The following LYPD6B variants were observed in gnomAD, a reference collection of about 807,000 sequenced individuals.
LYPD6B encodes the protein LY6/PLAUR domain containing 6B, also known as ly6/PLAUR domain-containing protein 6B.
A neutral mutation model predicts 22.8 loss-of-function variants in LYPD6B; 17 were observed. The ratio of observed to expected loss-of-function variants is 0.75; its 90% CI spans 0.51 to 1.12. The LOEUF (loss-of-function observed/expected upper bound fraction) is 1.12. Ranked by LOEUF, LYPD6B falls within the 50% of genes most tolerant of loss-of-function variation. The pLI, the probability that LYPD6B is intolerant of heterozygous loss-of-function variation, is 0.00. For synonymous variants in LYPD6B, 106 were observed against 91.6 expected (o/e 1.16, Z -0.90); for missense variants, 221 against 258.3 (o/e 0.86, Z 0.99).
chr2:149,159,652 A>G (rs1689928709), intron 2 of LYPD6B, among the ~76,000 whole-genome samples: 1 of 148,764 alleles, frequency 6.7e-6, no homozygotes, highest in African/African-American at 2.5e-5. Context: ...AGTAGGGGCA[A>G]GGGGATTTAT....
chr2:149,145,777 A>C (rs1688982654), intron 2 of LYPD6B, among the ~76,000 whole-genome samples: 1 of 152,164 alleles, frequency 6.6e-6, no homozygotes, highest in Admixed American at 6.5e-5. Context: ...TCAATGCAAA[A>C]CAGAGTGGTG....
At chr2:149,102,250 T>C (rs909715024) in intron 1 of LYPD6B, among the ~76,000 whole-genome samples, 5 of 152,218 alleles carry the variant, frequency 3.3e-5, no homozygotes, top group African/African-American at 9.6e-5. Flanking sequence ...CCACCTTCAT[T>C]GTTTTAATCA....
chr2:149,068,069 C>G (rs966764482), intron 1 of LYPD6B, among the ~76,000 whole-genome samples: 5 of 152,134 alleles, frequency 3.3e-5, no homozygotes, highest in African/African-American at 1.2e-4. Context: ...TTTATTGAGA[C>G]TGGAAAAGTC....
At chr2:149,115,582 G>A (rs559362843) in intron 1 of LYPD6B, among the ~76,000 whole-genome samples, 64 of 152,278 alleles carry the variant, frequency 4.2e-4, no homozygotes, top group African/African-American at 1.5e-3. Context: ...GCTTATGTGA[G>A]ACCTGTTAGG....
chr2:149,181,251 A>G (rs752389285), intron 3 of LYPD6B, among the ~76,000 whole-genome samples: 5 of 152,104 alleles, frequency 3.3e-5, no homozygotes, highest in Non-Finnish European at 5.9e-5. Context: ...AATGCAGGTA[A>G]TTTTACCTTT....
In LYPD6B at chr2:149,148,335, G is replaced by A. The variant is rs1407381909; in HGVS notation, c.6-12429G>A. Reference sequence around the variant, plus strand: ...AGGCTTTTAGGAAAGTCATAAAAGTGATTAAGGGCTGGAGGGAGTGACTGA... The same window carrying A: ...AGGCTTTTAGGAAAGTCATAAAAGTAATTAAGGGCTGGAGGGAGTGACTGA... On this transcript the variant is annotated intron_variant, in intron 2 of 6. Transcript: ENST00000409642. 2.0e-5 allele frequency among the ~76,000 whole-genome samples: 3 copies of A among 152,228 alleles called. No individual in the cohort carries two copies. In the East Asian group the frequency reaches 5.8e-4, roughly 29 times the overall value.
intron 3 of LYPD6B, chr2:149,187,466 A>G: frequency 6.6e-7 from 1 of 1,524,376 alleles, no homozygotes; most frequent in Non-Finnish European, 8.8e-7. Flanking sequence ...GAATCACAGT[A>G]AACCAAACAA....
chr2:149,095,370 C>A (rs1351158026), intron 1 of LYPD6B, among the ~76,000 whole-genome samples: 3 of 152,140 alleles, frequency 2.0e-5, no homozygotes, highest in African/African-American at 7.2e-5. Context: ...GCAGTCCATC[C>A]ATTGTGATAC....
chr2:149,059,348 T>C (rs1158521362), intron 1 of LYPD6B, among the ~76,000 whole-genome samples: 1 of 152,242 alleles, frequency 6.6e-6, no homozygotes, highest in African/African-American at 2.4e-5. Flanking sequence ...CAGGAATGAA[T>C]GTTTAGGAAG....
chr2:149,183,829 A>G (rs532116602), intron 3 of LYPD6B, among the ~76,000 whole-genome samples: 1 of 150,092 alleles, frequency 6.7e-6, no homozygotes, highest in African/African-American at 2.4e-5. Flanking sequence ...ACATACATAT[A>G]CATATATGTG....
At chr2:149,067,663 C>G (rs1353718877) in intron 1 of LYPD6B, among the ~76,000 whole-genome samples, 4 of 150,924 alleles carry the variant, frequency 2.7e-5, no homozygotes, top group Non-Finnish European at 5.9e-5. Flanking sequence ...AGGGAATGCT[C>G]TTAGATAATC....
chr2:149,063,863 A>G (rs534270816), intron 1 of LYPD6B, among the ~76,000 whole-genome samples: 6 of 152,354 alleles, frequency 3.9e-5, no homozygotes, highest in African/African-American at 1.4e-4. Flanking sequence ...AAAACAAACA[A>G]GTTTGAATAT....
intron 1 of LYPD6B, among the ~76,000 whole-genome samples, chr2:149,086,891 T>C (rs1280353650): frequency 6.6e-6 from 1 of 152,106 alleles, no homozygotes; most frequent in African/African-American, 2.4e-5. Context: ...GTGTCCAAAT[T>C]TTCTTTTTGT....
At chr2:149,056,312 G>A (rs1308427874) in intron 1 of LYPD6B, among the ~76,000 whole-genome samples, 2 of 152,140 alleles carry the variant, frequency 1.3e-5, no homozygotes, top group Non-Finnish European at 2.9e-5. Context: ...CACAGGCCAT[G>A]TCCCCAGGGT....
At chr2:149,083,004 G>T (rs74510369) in intron 1 of LYPD6B, among the ~76,000 whole-genome samples, 1 of 152,294 alleles carries the variant, frequency 6.6e-6, no homozygotes, top group African/African-American at 2.4e-5. Context: ...TGCCAGCATG[G>T]AGAGCAGATG....
intron 1 of LYPD6B, among the ~76,000 whole-genome samples, chr2:149,114,778 TG>T (rs1188102329): frequency 6.6e-6 from 1 of 152,206 alleles, no homozygotes; most frequent in African/African-American, 2.4e-5. Flanking sequence ...CTTTGTCTAA[TG>T]TTCTTAGAAA....
chr2:149,187,642 T>A, intron 3 of LYPD6B: 1 of 923,726 alleles, frequency 1.1e-6, no homozygotes. Context: ...TTAAGCAGGC[T>A]TGTCCAATCT....
At chr2:149,207,758 CA>C (rs1559079834) in intron 4 of LYPD6B, among the ~76,000 whole-genome samples, 1 of 152,136 alleles carries the variant, frequency 6.6e-6, no homozygotes, top group Non-Finnish European at 1.5e-5. Flanking sequence ...GGACAGAAAC[CA>C]GCATGATTTG....
chr2:149,142,304 C>G (rs1688744360), intron 2 of LYPD6B: 1 of 152,166 alleles, frequency 6.6e-6, no homozygotes, highest in Non-Finnish European at 1.5e-5. Flanking sequence ...GTGCAGCCAG[C>G]CCTGCACTGG....
Sources: gnomAD v4.1 joint callset for allele counts (sites outside exome capture counted in the v4.1 genomes callset) on GRCh38, gnomAD v4.1.1 for gene constraint, MANE v1.5 for transcripts, NCBI Gene and HGNC (gene_info 2026-07-23, HGNC 2026-07-21) for gene names.